FZD5: variants seen among roughly 807,000 people sequenced by gnomAD.
FZD5 encodes the protein frizzled class receptor 5, also known as frizzled-5.
In FZD5, 12 loss-of-function variants were observed where a neutral mutation model predicts 40.8. The ratio of observed to expected loss-of-function variants is 0.29; its 90% CI spans 0.19 to 0.48. The LOEUF (loss-of-function observed/expected upper bound fraction) is 0.48, where lower values mean the gene tolerates loss of function less well. FZD5 is among the 20% of genes least tolerant of loss of function. The pLI, the probability that FZD5 is intolerant of heterozygous loss-of-function variation, is 0.99. For synonymous variants in FZD5, 380 were observed against 383.7 expected (o/e 0.99, Z 0.11); for missense variants, 622 against 832.8 (o/e 0.75, Z 3.12).
chr2:207,764,681 C>A lies in FZD5; in HGVS notation c.*2301G>T, dbSNP rs1269192898. The A allele has an allele frequency of 6.6e-6, 1 of 152,198 alleles. No individual in the cohort carries two copies. The highest frequency in any genetic ancestry group is 1.5e-5 in the Non-Finnish European group (1 of 68,048). 9.4% of individuals were successfully genotyped at this position (152,198 alleles called of 1,614,324 possible). A position where few individuals can be genotyped will look rare whatever the true frequency, so the allele number is the denominator to read the frequency against. Reference sequence around the variant, plus strand: ...AAAAAATTCTAAAAATGAATTAAATCACTTTCATCCACTTCATCCCACAAC... The same window carrying A: ...AAAAAATTCTAAAAATGAATTAAATAACTTTCATCCACTTCATCCCACAAC... On this transcript the variant is annotated 3_prime_UTR_variant, in exon 2 of 2. Coordinates refer to ENST00000295417, the MANE Select transcript of FZD5 (RefSeq NM_003468.4).
rs941969275 is a variant in FZD5, at chr2:207,769,900, G to A, written c.-891C>T. ...GCGGACTCACGGCCGCAGGCTGGCTGCCCTCTCCCGCCCCGCCCGGGTCAC... is the reference window on the plus strand; with the variant it reads ...GCGGACTCACGGCCGCAGGCTGGCTACCCTCTCCCGCCCCGCCCGGGTCAC... On this transcript the variant is annotated 5_prime_UTR_variant, in exon 1 of 2. Coordinates refer to ENST00000295417, the MANE Select transcript of FZD5 (RefSeq NM_003468.4). 1.3e-5 allele frequency among the ~76,000 whole-genome samples: 2 copies of A among 152,028 alleles called. No homozygotes were observed.
chr2:207,768,308 C>T lies in FZD5; in HGVS notation c.432G>A (p.Glu144=), dbSNP rs746545049. The T allele has an allele frequency of 1.9e-6, 3 of 1,540,812 alleles. No individual in the cohort carries two copies. The highest frequency in any genetic ancestry group is 4.0e-5 in the Admixed American group (2 of 50,268). ...TGCGGTTGTAATCCATGCAGAGGAC[C>T]TCGGCGTCGCGGCCCAGCACCGGGA... ...DRLPVLGRDA[E]VLCMDYNRSE... The change falls in exon 2 of 2, where the codon GAG becomes GAA. Residue 144 remains glutamate (E), a synonymous_variant. Transcript: ENST00000295417.
At position 207,766,718 on chromosome 2, in the gene FZD5, T is replaced by C; in HGVS notation, c.*264A>G. The C allele has an allele frequency of 2.9e-6, 1 of 344,494 alleles. No homozygotes were observed. Among genetic ancestry groups the C allele is most frequent in the Non-Finnish European group, 5.2e-6 (1 of 192,950 alleles). The allele number at this position is 344,494 out of a possible 1,614,324, so 21.3% of individuals were successfully genotyped here. On this transcript the variant is annotated 3_prime_UTR_variant, in exon 2 of 2. Transcript: ENST00000295417. The stretch of plus-strand genomic sequence containing the variant: ...TGCCAAAATGCAACAAAGTTACAAA[T>C]TAAGAAAAATACATATAAATTAAAA...
chr2:207,768,843 G>T lies in FZD5; in HGVS notation c.-104C>A. 2.1e-6 allele frequency: 2 copies of T among 944,638 alleles called. No homozygotes were observed. The highest frequency in any genetic ancestry group is 3.1e-6 in the Non-Finnish European group (2 of 642,028). The allele number at this position is 944,638 out of a possible 1,614,324, so 58.5% of individuals were successfully genotyped here. On this transcript the variant is annotated 5_prime_UTR_variant, in exon 2 of 2. Coordinates refer to ENST00000295417, the MANE Select transcript of FZD5 (RefSeq NM_003468.4). The stretch of plus-strand genomic sequence containing the variant: ...TCCGGCGTCTCGTGTGTGGCGCCGG[G>T]GCTGGCAACCTGTTGGTTGCTTTTT...
At position 207,763,172 on chromosome 2, in the gene FZD5, C is replaced by CATAT. The variant is rs200317390; in HGVS notation, c.*3806_*3809dup. On this transcript the variant is annotated 3_prime_UTR_variant, in exon 2 of 2. Coordinates refer to ENST00000295417, the MANE Select transcript of FZD5 (RefSeq NM_003468.4). Reference sequence around the variant, plus strand: ...CCGTATCAAAAGTCACCAAATCTCTCATATATATATATAATATATATTATG... The same window carrying CATAT: ...CCGTATCAAAAGTCACCAAATCTCTCATATATATATATATATAATATATATTATG... The CATAT allele has an allele frequency of 3.3e-5, 5 of 151,506 alleles. No homozygotes were observed. Among genetic ancestry groups the CATAT allele is most frequent in the Admixed American group, 6.6e-5 (1 of 15,126 alleles). 9.4% of individuals were successfully genotyped at this position (151,506 alleles called of 1,614,324 possible).
rs1302754481 is a variant in FZD5, at chr2:207,768,787, A to T, written c.-48T>A. The T allele has an allele frequency of 1.4e-6, 2 of 1,398,682 alleles. No individual in the cohort carries two copies. The highest frequency in any genetic ancestry group is 1.9e-6 in the Non-Finnish European group (2 of 1,044,788). 86.6% of individuals were successfully genotyped at this position (1,398,682 alleles called of 1,614,324 possible). A position where few individuals can be genotyped will look rare whatever the true frequency, so the allele number is the denominator to read the frequency against. On this transcript the variant is annotated 5_prime_UTR_variant, in exon 2 of 2. Coordinates refer to ENST00000295417, the MANE Select transcript of FZD5 (RefSeq NM_003468.4). ...CCAGCAGCCCGCGAGGGACGCACAC[A>T]GGCAGAGGAATCCGGGCCGGGGCTT... is the stretch of plus-strand genomic sequence containing the variant.
chr2:207,767,825 G>A lies in FZD5; in HGVS notation c.915C>T (p.Ile305=). 6.2e-7 allele frequency: 1 copy of A among 1,608,534 alleles called. No individual in the cohort carries two copies. The highest frequency in any genetic ancestry group is 1.3e-5 in the African/African-American group (1 of 74,912). ...SVACSREHNH[I]HYETTGPALC... ...GTGCAGGGCCCGTGGTCTCGTAGTG[G>A]ATGTGGTTGTGCTCGCGGCTGCAGG... The change falls in exon 2 of 2, where the codon ATC becomes ATT. Residue 305 remains isoleucine, a synonymous_variant. Coordinates refer to ENST00000295417, the MANE Select transcript of FZD5 (RefSeq NM_003468.4).
Position 207,768,954 on chromosome 2 carries a change from TG to T in FZD5, c.-216del. The T allele has an allele frequency of 3.4e-6, 2 of 583,446 alleles. No individual in the cohort carries two copies. Among genetic ancestry groups the T allele is most frequent in the Non-Finnish European group, 3.1e-6 (1 of 323,180 alleles). The allele number at this position is 583,446 out of a possible 1,614,324, so 36.1% of individuals were successfully genotyped here. A position where few individuals can be genotyped will look rare whatever the true frequency, so the allele number is the denominator to read the frequency against. On this transcript the variant is annotated 5_prime_UTR_variant, in exon 2 of 2. Coordinates refer to ENST00000295417, the MANE Select transcript of FZD5 (RefSeq NM_003468.4). ...CGCTCCGCTCCTCGCCGGATAGGGC[TG>T]GGGAGAGACGGTTAGGGCTCGGATT...
chr2:207,766,938 C>T lies in FZD5; in HGVS notation c.*44G>A. ...TGGCAAAACTACCAAACAAAACGCC[C>T]CCCTCCCCTCAGCTCTCCGGCCGAG... On this transcript the variant is annotated 3_prime_UTR_variant, in exon 2 of 2. Transcript: ENST00000295417. The T allele has an allele frequency of 7.2e-7, 1 of 1,380,616 alleles. No individual in the cohort carries two copies. Among genetic ancestry groups the T allele is most frequent in the Non-Finnish European group, 9.5e-7 (1 of 1,050,158 alleles). The allele number at this position is 1,380,616 out of a possible 1,614,324, so 85.5% of individuals were successfully genotyped here.
At position 207,764,373 on chromosome 2, in the gene FZD5, G is replaced by A. The variant is rs2091969394; in HGVS notation, c.*2609C>T. On this transcript the variant is annotated 3_prime_UTR_variant, in exon 2 of 2. Transcript: ENST00000295417. ...GTAACTATATGGATGGAAACAGGGG[G>A]TGGCTGTAAGTAGATCCAGTTTCTC... 1 of 152,226 alleles carries A rather than the reference G, an allele frequency of 6.6e-6. No individual in the cohort carries two copies. The highest frequency in any genetic ancestry group is 6.5e-5 in the Admixed American group (1 of 15,274). The allele number at this position is 152,226 out of a possible 1,614,324, so 9.4% of individuals were successfully genotyped here. A position where few individuals can be genotyped will look rare whatever the true frequency, so the allele number is the denominator to read the frequency against.
rs778521460 is a variant in FZD5 at position 207,767,585 on chromosome 2, T to C, written c.1155A>G (p.Pro385=). 2 of 1,612,164 alleles carry C rather than the reference T, an allele frequency of 1.2e-6. No individual in the cohort carries two copies. Among genetic ancestry groups the C allele is most frequent in the South Asian group, 2.2e-5 (2 of 91,048 alleles). Residue 385 remains proline (P), a synonymous_variant, in exon 2 of 2, where the codon CCA becomes CCG. Transcript: ENST00000295417. ...TGCCCACGTAGCAGATGCCGGCCAC[T>C]GGGTCCCCGTCCACGGAGCTCAGCG... ...ALALSSVDGD[P]VAGICYVGNQ... is the part of the protein sequence containing the mutation.
In FZD5 at chr2:207,766,922, T is replaced by A; in HGVS notation, c.*60A>T. On this transcript the variant is annotated 3_prime_UTR_variant, in exon 2 of 2. Transcript: ENST00000295417. ...TAAACGGAAGTGACCTTGGCAAAAC[T>A]ACCAAACAAAACGCCCCCCTCCCCT... 7.5e-7 allele frequency: 1 copy of A among 1,325,418 alleles called. No individual in the cohort carries two copies. The highest frequency in any genetic ancestry group is 1.0e-6 in the Non-Finnish European group (1 of 1,004,804). The allele number at this position is 1,325,418 out of a possible 1,614,324, so 82.1% of individuals were successfully genotyped here. A position where few individuals can be genotyped will look rare whatever the true frequency, so the allele number is the denominator to read the frequency against.
In FZD5 at chr2:207,769,561, G is replaced by C. The variant is rs2092000742; in HGVS notation, c.-552C>G. On this transcript the variant is annotated 5_prime_UTR_variant, in exon 1 of 2. Transcript: ENST00000295417. ...GGCCGTGCGTTCTCCCCGGGGCCGGGAGCCGGACGGAGGGCGAGCGCGCCT... is the reference window on the plus strand; with the variant it reads ...GGCCGTGCGTTCTCCCCGGGGCCGGCAGCCGGACGGAGGGCGAGCGCGCCT... 6.6e-6 allele frequency: 1 copy of C among 152,448 alleles called. No homozygotes were observed. The highest frequency in any genetic ancestry group is 6.5e-5 in the Admixed American group (1 of 15,290). The allele number at this position is 152,448 out of a possible 1,614,324, so 9.4% of individuals were successfully genotyped here.
rs768441956 is a variant in FZD5 at position 207,767,188 on chromosome 2, C to T, written c.1552G>A (p.Gly518Ser). Reference sequence around the variant, plus strand: ...GTCTTGCCCGACCAGATCCAGACGCCCGACGTGATGCCCACCACCAGGCAC... The same window carrying T: ...GTCTTGCCCGACCAGATCCAGACGCTCGACGTGATGCCCACCACCAGGCAC... The part of the protein sequence containing the change: ...FMCLVVGITS[G>S]VWIWSGKTVE... Residue 518 changes from glycine (G) to serine (S), a missense_variant, in exon 2 of 2, where the codon GGC (glycine) becomes AGC (serine). By Grantham distance (56) the Gly-to-Ser change is moderately conservative. Transcript: ENST00000295417. 14 of 1,601,874 alleles carry T rather than the reference C, an allele frequency of 8.7e-6. No homozygotes were observed. Among genetic ancestry groups the T allele is most frequent in the South Asian group, 1.1e-5 (1 of 89,542 alleles).
rs2091988467 is a variant in FZD5 at position 207,767,878 on chromosome 2, G to A, written c.862C>T (p.Arg288Cys). 6.3e-7 allele frequency: 1 copy of A among 1,598,810 alleles called. No homozygotes were observed. Among genetic ancestry groups the A allele is most frequent in the Non-Finnish European group, 8.5e-7 (1 of 1,172,888 alleles). The change falls in exon 2 of 2, where the codon CGT (arginine) becomes TGT (cysteine). Residue 288 changes from arginine to cysteine, a missense_variant. Physicochemically the swap from Arg to Cys is radical, Grantham distance 180. This residue lies in a region of FZD5 where 208 missense variants were observed against 348.9 expected (regional missense o/e 0.60). Coordinates refer to ENST00000295417, the MANE Select transcript of FZD5 (RefSeq NM_003468.4). ...YLCVSLGFLV[R>C]LVVGHASVAC... ...ACGCTGGCATGGCCCACGACCAGACGCACCAGGAAGCCCAGCGACACGCAC... is the reference window on the plus strand; with the variant it reads ...ACGCTGGCATGGCCCACGACCAGACACACCAGGAAGCCCAGCGACACGCAC...
In FZD5 at chr2:207,767,618, C is replaced by G. The variant is rs758004867; in HGVS notation, c.1122G>C (p.Thr374=). The change falls in exon 2 of 2, where the codon ACG becomes ACC. Residue 374 remains threonine (T), a synonymous_variant. Coordinates refer to ENST00000295417, the MANE Select transcript of FZD5 (RefSeq NM_003468.4). ...AWLIPSVKSI[T]ALALSSVDGD... ...CGTCCACGGAGCTCAGCGCCAGTGC[C>G]GTGATGGACTTGACGCTGGGGATGA... 7 of 1,612,820 alleles carry G rather than the reference C, an allele frequency of 4.3e-6. No individual in the cohort carries two copies. The Middle Eastern group carries it at 4.9e-4, about 114-fold the overall frequency.
At position 207,764,823 on chromosome 2, in the gene FZD5, T is replaced by C. The variant is rs756473292; in HGVS notation, c.*2159A>G. ...TCTGTCTACTTTCTGGGAAGACATATGAAATGAGGGAAAAGGTCAAGGTGA... is the reference window on the plus strand; with the variant it reads ...TCTGTCTACTTTCTGGGAAGACATACGAAATGAGGGAAAAGGTCAAGGTGA... On this transcript the variant is annotated 3_prime_UTR_variant, in exon 2 of 2. Coordinates refer to ENST00000295417, the MANE Select transcript of FZD5 (RefSeq NM_003468.4). The C allele has an allele frequency of 1.3e-5, 2 of 152,122 alleles. No homozygotes were observed. The highest frequency in any genetic ancestry group is 2.4e-5 in the African/African-American group (1 of 41,414). 9.4% of individuals were successfully genotyped at this position (152,122 alleles called of 1,614,324 possible).
At position 207,762,894 on chromosome 2, in the gene FZD5, G is replaced by A. The variant is rs80340611; in HGVS notation, c.*4088C>T. The A allele has an allele frequency of 6.6e-6, 1 of 152,564 alleles. No individual in the cohort carries two copies. The highest frequency in any genetic ancestry group is 2.4e-5 in the African/African-American group (1 of 41,432). 9.5% of individuals were successfully genotyped at this position (152,564 alleles called of 1,614,324 possible). On this transcript the variant is annotated 3_prime_UTR_variant, in exon 2 of 2. Transcript: ENST00000295417. ...ATCAAGCTGCTCTGGGTTTCCTTTT[G>A]TAAGTGTTACAGATTCAGAACTGTA...
In FZD5 at chr2:207,768,175, C is replaced by T; in HGVS notation, c.565G>A (p.Val189Met). 2 of 1,604,428 alleles carry T rather than the reference C, an allele frequency of 1.2e-6. No individual in the cohort carries two copies. Among genetic ancestry groups the T allele is most frequent in the Non-Finnish European group, 1.7e-6 (2 of 1,178,846 alleles). ...GGECPAGGPF[V>M]CKCREPFVPI... ...ACGAAGGGCTCGCGACACTTGCACACGAACGGGCCCCCAGCGGGGCATTCG... is the reference window on the plus strand; with the variant it reads ...ACGAAGGGCTCGCGACACTTGCACATGAACGGGCCCCCAGCGGGGCATTCG... The change falls in exon 2 of 2, where the codon GTG (valine) becomes ATG (methionine). Residue 189 changes from valine to methionine, a missense_variant. This residue lies in a region of FZD5 where 116 missense variants were observed against 117.7 expected (regional missense o/e 0.99). Coordinates refer to ENST00000295417, the MANE Select transcript of FZD5 (RefSeq NM_003468.4).
Sources: gnomAD v4.1 joint callset for allele counts (sites outside exome capture counted in the v4.1 genomes callset) on GRCh38, gnomAD v4.1.1 for gene constraint, gnomAD v4.1.1 regional missense constraint, MANE v1.5 for transcripts, NCBI Gene and HGNC (gene_info 2026-07-23, HGNC 2026-07-21) for gene names.